HCN1: variants seen among roughly 807,000 people sequenced by gnomAD.
HCN1 encodes the protein potassium/sodium hyperpolarization-activated cyclic nucleotide-gated channel 1.
A neutral mutation model predicts 78.9 loss-of-function variants in HCN1; 13 were observed. The observed-to-expected ratio is 0.16, with a 90% CI of 0.11 to 0.26. The LOEUF is 0.26. Ranked by LOEUF, HCN1 falls within the 10% of genes least tolerant of loss-of-function variation. The probability of loss-of-function intolerance (pLI) is 1.00; values close to 1 mark genes in which losing one functional copy is unlikely to be tolerated. For missense variants in HCN1, 810 were observed against 1,154.3 expected (o/e 0.70, Z 4.32); for synonymous variants, 552 against 455.5 (o/e 1.21, Z -2.70).
chr5:45,537,308 A>C (rs1449132592), intron 2 of HCN1, among the ~76,000 whole-genome samples: 1 of 152,032 alleles, frequency 6.6e-6, no homozygotes, highest in Non-Finnish European at 1.5e-5. Flanking sequence ...CTAAAGTTTT[A>C]CCAAGTAAAA....
intron 2 of HCN1, among the ~76,000 whole-genome samples, chr5:45,597,338 T>G (rs935433873): frequency 2.0e-5 from 3 of 152,208 alleles, no homozygotes; most frequent in Non-Finnish European, 4.4e-5. Context: ...TCTCAATAGA[T>G]GCAGAAAAGG....
At position 45,685,756 on chromosome 5, in the gene HCN1, G is replaced by C. The variant is rs549233089; in HGVS notation, c.425+9913C>G. Among the ~76,000 whole-genome samples, 5 of 151,842 alleles carry C rather than the reference G, an allele frequency of 3.3e-5. No homozygotes were observed. The South Asian group carries it at 1.0e-3, about 32-fold the overall frequency. Reference sequence around the variant, plus strand: ...TCCAGTGCTAACTGCCTCATGACTAGACCAATTTCACACAGCATATATAAA... The same window carrying C: ...TCCAGTGCTAACTGCCTCATGACTACACCAATTTCACACAGCATATATAAA... On this transcript the variant is annotated intron_variant, in intron 1 of 7. Coordinates refer to ENST00000303230, the MANE Select transcript of HCN1 (RefSeq NM_021072.4).
At position 45,441,912 on chromosome 5, in the gene HCN1, T is replaced by G. The variant is rs111276649; in HGVS notation, c.1011+19934A>C. Among the ~76,000 whole-genome samples, 7 of 152,328 alleles carry G rather than the reference T, an allele frequency of 4.6e-5. 1 individual carries two copies. Among genetic ancestry groups the G allele is most frequent in the African/African-American group, 1.7e-4 (7 of 41,598 alleles). ...TGCTCAACAAATTCTGCAAGGTTAATGTATGCTGTTTTACAGGAATATCAC... is the reference window on the plus strand; with the variant it reads ...TGCTCAACAAATTCTGCAAGGTTAAGGTATGCTGTTTTACAGGAATATCAC... On this transcript the variant is annotated intron_variant, in intron 3 of 7. Transcript: ENST00000303230.
At chr5:45,275,649 T>A (rs1004014738) in intron 6 of HCN1, among the ~76,000 whole-genome samples, 1 of 152,168 alleles carries the variant, frequency 6.6e-6, no homozygotes, top group Non-Finnish European at 1.5e-5. Context: ...GTACTACTTG[T>A]CTTTGGCAAG....
chr5:45,609,094 A>T (rs371235261), intron 2 of HCN1, among the ~76,000 whole-genome samples: 93 of 152,232 alleles, frequency 6.1e-4, no homozygotes, highest in African/African-American at 1.9e-3. Context: ...AGAGGACATG[A>T]GGCAACAGTA....
intron 1 of HCN1, among the ~76,000 whole-genome samples, chr5:45,679,576 G>A (rs902059166): frequency 2.6e-5 from 4 of 152,078 alleles, no homozygotes; most frequent in African/African-American, 9.7e-5. Flanking sequence ...TAGTCACACA[G>A]CGTATTTTGT....
intron 2 of HCN1, among the ~76,000 whole-genome samples, chr5:45,572,718 C>T (rs1743860638): frequency 6.6e-6 from 1 of 152,070 alleles, no homozygotes; most frequent in Admixed American, 6.6e-5. Context: ...ACTCTGTATT[C>T]ATTAATTTGT....
chr5:45,577,658 T>A lies in HCN1; in HGVS notation c.849+67527A>T, dbSNP rs2696020. The stretch of plus-strand genomic sequence containing the variant: ...ATTAAAAAATCTAGGTAGCATAAAG[T>A]TCTAGTTATTTTAACAACTATATAA... On this transcript the variant is annotated intron_variant, in intron 2 of 7. Transcript: ENST00000303230. 7.3e-3 allele frequency among the ~76,000 whole-genome samples: 1,115 copies of A among 152,122 alleles called. 11 individuals are homozygous for A. The highest frequency in any genetic ancestry group is 0.026 in the African/African-American group (1,066 of 41,542).
intron 3 of HCN1, among the ~76,000 whole-genome samples, chr5:45,423,329 A>G (rs1740266519): frequency 6.6e-6 from 1 of 152,154 alleles, no homozygotes; most frequent in Non-Finnish European, 1.5e-5. Flanking sequence ...GAGACACAAA[A>G]ATCTCCTAAA....
intron 2 of HCN1, among the ~76,000 whole-genome samples, chr5:45,568,600 T>G (rs971387210): frequency 6.6e-6 from 1 of 151,496 alleles, no homozygotes; most frequent in Non-Finnish European, 1.5e-5. Context: ...TTAATGACTG[T>G]TATTATTATT....
intron 2 of HCN1, among the ~76,000 whole-genome samples, chr5:45,465,349 G>A (rs1741245955): frequency 6.6e-6 from 1 of 152,128 alleles, no homozygotes; most frequent in Non-Finnish European, 1.5e-5. Flanking sequence ...AACAGGGTAA[G>A]AGGGCTCAGG....
At chr5:45,534,441 A>AAAAAAAAAAC (rs1742924296) in intron 2 of HCN1, among the ~76,000 whole-genome samples, 1 of 140,036 alleles carries the variant, frequency 7.1e-6, no homozygotes, top group Admixed American at 7.3e-5. Context: ...AAAAAAAAAA[A>AAAAAAAAAAC]AAAATTAATA....
chr5:45,637,155 T>A (rs1745372439), intron 2 of HCN1, among the ~76,000 whole-genome samples: 1 of 152,114 alleles, frequency 6.6e-6, no homozygotes, highest in Non-Finnish European at 1.5e-5. Context: ...ACTTTGCCAC[T>A]TGGAAGGTCA....
At chr5:45,529,413 T>C (rs1034029153) in intron 2 of HCN1, among the ~76,000 whole-genome samples, 1 of 151,914 alleles carries the variant, frequency 6.6e-6, no homozygotes, top group Non-Finnish European at 1.5e-5. Flanking sequence ...CTAGCATGAG[T>C]TCTTGGTGGA....
At chr5:45,653,622 A>G (rs1580021265) in intron 1 of HCN1, among the ~76,000 whole-genome samples, 4 of 151,942 alleles carry the variant, frequency 2.6e-5, no homozygotes, top group Admixed American at 2.0e-4. Context: ...TTTCCCAATG[A>G]TCAAATTCCA....
At chr5:45,442,198 A>G (rs1740692102) in intron 3 of HCN1, among the ~76,000 whole-genome samples, 1 of 152,146 alleles carries the variant, frequency 6.6e-6, no homozygotes, top group Admixed American at 6.6e-5. Context: ...TGAACTGCTA[A>G]AGTAGACAAA....
chr5:45,509,133 T>A (rs1742361129), intron 2 of HCN1, among the ~76,000 whole-genome samples: 1 of 152,168 alleles, frequency 6.6e-6, no homozygotes, highest in Admixed American at 6.6e-5. Context: ...CTGGTAAGGT[T>A]GGTGTTTAAC....
At chr5:45,695,529 C>T in intron 1 of HCN1, 140 bp downstream of exon 1, 2 of 799,008 alleles carry the variant, frequency 2.5e-6, no homozygotes, top group Non-Finnish European at 4.0e-6. Context: ...GTGGAGCCTG[C>T]TTAGCCCGAG....
chr5:45,367,003 T>G (rs1378431878), intron 4 of HCN1, among the ~76,000 whole-genome samples: 1 of 151,768 alleles, frequency 6.6e-6, no homozygotes, highest in Non-Finnish European at 1.5e-5. Context: ...GTTATCAGTC[T>G]CAACATAAAT....
Sources: allele counts gnomAD v4.1 joint callset (sites outside exome capture counted in the v4.1 genomes callset), GRCh38; gene constraint gnomAD v4.1.1; transcripts MANE v1.5; gene names NCBI Gene and HGNC (gene_info 2026-07-23, HGNC 2026-07-21).